GMDS: variants seen among roughly 807,000 people sequenced by gnomAD.
GMDS encodes the protein GDP-mannose 4,6-dehydratase, also known as GDP-mannose 4,6 dehydratase.
A neutral mutation model predicts 49.9 loss-of-function variants in GMDS; 20 were observed. The ratio of observed to expected loss-of-function variants is 0.40; its 90% confidence interval spans 0.28 to 0.58. The LOEUF (loss-of-function observed/expected upper bound fraction) is 0.58, where lower values mean the gene tolerates loss of function less well. Ranked by LOEUF, GMDS falls within the 20% of genes least tolerant of loss-of-function variation. The pLI is 0.42. For missense variants in GMDS, 362 were observed against 481.4 expected, an observed-to-expected ratio of 0.75 and a Z score of 2.32; for synonymous variants, 177 against 178.6, an observed-to-expected ratio of 0.99 and a Z score of 0.07.
intron 7 of GMDS, among the ~76,000 whole-genome samples, chr6:1,922,180 C>G: frequency 6.6e-6 from 1 of 152,180 alleles, no homozygotes; most frequent in East Asian, 1.9e-4. Flanking sequence ...TTACACAATG[C>G]CTTCCCCTCT....
At chr6:2,178,623 T>C (rs879777910) in intron 1 of GMDS, among the ~76,000 whole-genome samples, 2 of 152,124 alleles carry the variant, frequency 1.3e-5, no homozygotes, top group Admixed American at 1.3e-4. Context: ...TCAGGCACTA[T>C]GCTCACTACC....
chr6:2,137,393 G>C (rs1364043904), intron 1 of GMDS, among the ~76,000 whole-genome samples: 1 of 150,436 alleles, frequency 6.6e-6, no homozygotes, highest in African/African-American at 2.5e-5. Flanking sequence ...GAGTGCAATG[G>C]CACGATCTTG....
intron 8 of GMDS, among the ~76,000 whole-genome samples, chr6:1,727,290 C>T (rs1174055600): frequency 6.6e-6 from 1 of 152,294 alleles, no homozygotes; most frequent in Non-Finnish European, 1.5e-5. Flanking sequence ...TCATATGCTT[C>T]GAGATTACCT....
intron 4 of GMDS, among the ~76,000 whole-genome samples, chr6:2,050,491 G>C (rs916123996): frequency 1.3e-5 from 2 of 152,088 alleles, no homozygotes; most frequent in African/African-American, 2.4e-5. Context: ...CTATTCCAAT[G>C]ATTAGAAAAA....
chr6:1,699,732 C>T (rs934733299), intron 9 of GMDS, among the ~76,000 whole-genome samples: 4 of 152,196 alleles, frequency 2.6e-5, no homozygotes, highest in African/African-American at 9.7e-5. Context: ...AGACCCTTCA[C>T]TCAATCCCAT....
rs574231184 is a variant in GMDS at position 1,637,361 on chromosome 6, TG to T, written c.988-12822del. Among the ~76,000 whole-genome samples the T allele has an allele frequency of 4.0e-3, 605 of 152,320 alleles. 3 individuals carry two copies. The highest frequency in any genetic ancestry group is 0.01 in the Middle Eastern group (3 of 294). ...AGCACTTGTGAGGAGGCAGGTGGCC[TG>T]GAGGGCAGAGGTCTGACTCAGTTCT... On this transcript the variant is annotated intron_variant, in intron 9 of 10. Transcript: ENST00000380815.
chr6:1,719,881 G>A (rs1367755437), intron 9 of GMDS, among the ~76,000 whole-genome samples: 1 of 152,160 alleles, frequency 6.6e-6, no homozygotes, highest in African/African-American at 2.4e-5. Context: ...AACTTATTTT[G>A]TAGACGTCAA....
chr6:1,810,662 G>A (rs939573152), intron 7 of GMDS, among the ~76,000 whole-genome samples: 2 of 152,126 alleles, frequency 1.3e-5, no homozygotes, highest in African/African-American at 4.8e-5. Flanking sequence ...GAACAGACAG[G>A]GAGGAGGGGA....
intron 9 of GMDS, among the ~76,000 whole-genome samples, chr6:1,639,145 G>A (rs1763252845): frequency 6.6e-6 from 1 of 152,180 alleles, no homozygotes; most frequent in South Asian, 2.1e-4. Flanking sequence ...GCTCAGGCTT[G>A]AAGAGGAGCA....
At position 2,028,058 on chromosome 6, in the gene GMDS, T is replaced by TA. The variant is rs555649532; in HGVS notation, c.346-67093dup. On this transcript the variant is annotated intron_variant, in intron 4 of 10. Transcript: ENST00000380815. ...AAAGCTACTATTAAAGGGCCCGCCT[T>TA]AAAAAAATCTAGCTTGTAAAACAAT... Among the ~76,000 whole-genome samples the TA allele has an allele frequency of 2.5e-3, 377 of 152,254 alleles. 1 individual carries two copies. Among genetic ancestry groups the TA allele is most frequent in the African/African-American group, 8.8e-3 (364 of 41,564 alleles).
chr6:2,076,732 C>T (rs891284192), intron 4 of GMDS, among the ~76,000 whole-genome samples: 1 of 152,120 alleles, frequency 6.6e-6, no homozygotes, highest in African/African-American at 2.4e-5. Context: ...AACTGGATCC[C>T]TTCCTTACAC....
At chr6:2,082,735 G>A (rs530448364) in intron 4 of GMDS, among the ~76,000 whole-genome samples, 20 of 152,146 alleles carry the variant, frequency 1.3e-4, no homozygotes, top group African/African-American at 4.6e-4. Flanking sequence ...AACATATACT[G>A]GTTTGTAAAA....
intron 1 of GMDS, among the ~76,000 whole-genome samples, chr6:2,128,187 T>C (rs117459758): frequency 6.6e-6 from 1 of 151,918 alleles, no homozygotes; most frequent in African/African-American, 2.4e-5. Flanking sequence ...TTTTTTTTTT[T>C]TTTTGAGACA....
At chr6:1,758,610 G>A (rs895380950) in intron 7 of GMDS, among the ~76,000 whole-genome samples, 2 of 152,250 alleles carry the variant, frequency 1.3e-5, no homozygotes, top group Non-Finnish European at 2.9e-5. Flanking sequence ...CCCCCTTGAG[G>A]CCTGGAGCTA....
At chr6:2,104,562 G>C (rs1774110813) in intron 4 of GMDS, among the ~76,000 whole-genome samples, 1 of 152,070 alleles carries the variant, frequency 6.6e-6, no homozygotes, top group African/African-American at 2.4e-5. Context: ...CTAATCTAGA[G>C]GGATGAAGAA....
intron 1 of GMDS, among the ~76,000 whole-genome samples, chr6:2,233,322 T>C (rs1354987513): frequency 6.6e-6 from 1 of 152,204 alleles, no homozygotes; most frequent in Non-Finnish European, 1.5e-5. Flanking sequence ...GGAGATATCA[T>C]CTATGATCAG....
chr6:2,047,894 T>TG (rs1770120500), intron 4 of GMDS, among the ~76,000 whole-genome samples: 1 of 152,232 alleles, frequency 6.6e-6, no homozygotes, highest in South Asian at 2.1e-4. Context: ...GGAAATTACA[T>TG]GTAGTGTTAG....
intron 4 of GMDS, among the ~76,000 whole-genome samples, chr6:1,977,431 A>G (rs962225264): frequency 1.2e-4 from 19 of 152,182 alleles, no homozygotes; most frequent in Non-Finnish European, 2.9e-5. Flanking sequence ...AGAAGCAAGG[A>G]AAACCAACAT....
intron 9 of GMDS, among the ~76,000 whole-genome samples, chr6:1,717,193 C>A (rs1766205762): frequency 6.6e-6 from 1 of 152,242 alleles, no homozygotes; most frequent in Non-Finnish European, 1.5e-5. Flanking sequence ...ACCTCCAGAA[C>A]TGTAAGACAA....
Sources: gnomAD v4.1 joint callset for allele counts (sites outside exome capture counted in the v4.1 genomes callset) on GRCh38, gnomAD v4.1.1 for gene constraint, MANE v1.5 for transcripts, NCBI Gene and HGNC (gene_info 2026-07-23, HGNC 2026-07-21) for gene names.